Variants in TFRC observed in about 807,000 individuals in gnomAD.
TFRC encodes transferrin receptor protein 1.
A neutral mutation model predicts 85.8 loss-of-function variants in TFRC; 35 were observed. That is an observed-to-expected ratio of 0.41 (90% CI 0.31 to 0.54). The LOEUF is 0.54. TFRC is among the 20% of genes least tolerant of loss of function. The pLI is 0.31. For synonymous variants in TFRC, 362 were observed against 328.6 expected, an observed-to-expected ratio of 1.10 and a Z score of -1.10; for missense variants, 828 against 921.5, an observed-to-expected ratio of 0.90 and a Z score of 1.31.
At chr3:196,054,245 A>G (rs1716585405) in intron 17 of TFRC, among the ~76,000 whole-genome samples, 1 of 152,040 alleles carries the variant, frequency 6.6e-6, no homozygotes, top group African/African-American at 2.4e-5. Flanking sequence ...CTTCTACTAA[A>G]AACACAAAAA....
intron 13 of TFRC, among the ~76,000 whole-genome samples, chr3:196,061,583 G>C (rs996583511): frequency 6.6e-6 from 1 of 152,022 alleles, no homozygotes; most frequent in African/African-American, 2.4e-5. Context: ...TCTGCCTCCC[G>C]GGTTCAAGTG....
At chr3:196,068,217 T>C in intron 7 of TFRC, 87 bp from the exon 8 acceptor site, 1 of 879,308 alleles carries the variant, frequency 1.1e-6, no homozygotes, top group African/African-American at 1.7e-5. Flanking sequence ...AAAGGCCAAA[T>C]GGTTACAGAG....
chr3:196,056,712 T>A (rs1716826080), intron 16 of TFRC, among the ~76,000 whole-genome samples: 1 of 152,200 alleles, frequency 6.6e-6, no homozygotes, highest in African/African-American at 2.4e-5. Flanking sequence ...AGCCTCATTA[T>A]TAAAACTCAT....
At chr3:196,079,268 C>T (rs1276590510) in intron 1 of TFRC, among the ~76,000 whole-genome samples, 1 of 152,188 alleles carries the variant, frequency 6.6e-6, no homozygotes, top group East Asian at 1.9e-4. Flanking sequence ...TAACACTCAT[C>T]TGAACCATCA....
intron 2 of TFRC, 143 bp downstream of exon 2, chr3:196,076,921 G>T: frequency 1.4e-6 from 1 of 730,514 alleles, no homozygotes; most frequent in Non-Finnish European, 2.3e-6. Context: ...TGTGAGATCA[G>T]TTATGCCTCA....
intron 16 of TFRC, among the ~76,000 whole-genome samples, chr3:196,056,981 C>CTAATAG (rs1174281727): frequency 4.6e-5 from 7 of 152,210 alleles, no homozygotes; most frequent in Admixed American, 4.6e-4. Flanking sequence ...GCCACTATGT[C>CTAATAG]CGACTAATTT....
At chr3:196,053,170 T>C (rs930361528) in intron 18 of TFRC, among the ~76,000 whole-genome samples, 4 of 152,204 alleles carry the variant, frequency 2.6e-5, no homozygotes, top group Admixed American at 6.5e-5. Context: ...AGGAAAACTT[T>C]AAATGTGTTC....
At chr3:196,078,868 G>A (rs181695026) in intron 1 of TFRC, among the ~76,000 whole-genome samples, 111 of 150,900 alleles carry the variant, frequency 7.4e-4, no homozygotes, top group African/African-American at 2.3e-3. Flanking sequence ...TCCCCCTCCC[G>A]GGTTCAAGCC....
At position 196,052,016 on chromosome 3, in the gene TFRC, G is replaced by A. The variant is rs1291674789; in HGVS notation, c.2209C>T (p.Leu737=). The A allele has an allele frequency of 2.5e-6, 4 of 1,614,074 alleles. No homozygotes were observed. The highest frequency in any genetic ancestry group is 3.4e-6 in the Non-Finnish European group (4 of 1,180,050). ...NETLFRNQLA[L]ATWTIQGAAN... ...GCTCCCTGAATAGTCCAAGTAGCTAGAGCCAACTGGTTTCTGAACAGCGTT... is the reference window on the plus strand; with the variant it reads ...GCTCCCTGAATAGTCCAAGTAGCTAAAGCCAACTGGTTTCTGAACAGCGTT... Residue 737 remains leucine, a synonymous_variant, in exon 19 of 19, where the codon CTA becomes TTA. Coordinates refer to ENST00000360110, the MANE Select transcript of TFRC (RefSeq NM_001128148.3).
intron 13 of TFRC, chr3:196,060,497 T>C (rs969586244): frequency 5.3e-5 from 23 of 437,274 alleles, no homozygotes; most frequent in Non-Finnish European, 8.3e-5. Flanking sequence ...TCACCTTTTT[T>C]AAAAATATCA....
chr3:196,057,887 T>C (rs1239367103), intron 16 of TFRC: 1 of 151,758 alleles, frequency 6.6e-6, no homozygotes, highest in Non-Finnish European at 1.5e-5. Context: ...TTAACAAAAA[T>C]GCAACCCTGA....
intron 11 of TFRC, 147 bp from the exon 12 acceptor site, chr3:196,063,086 AAACT>A (rs1717421614): frequency 3.3e-6 from 2 of 611,108 alleles, no homozygotes; most frequent in Non-Finnish European, 5.6e-6. Context: ...AAGAAAAAAA[AAACT>A]AACAAAATCT....
At chr3:196,077,204 C>T in intron 1 of TFRC, 82 bp from the exon 2 acceptor site, 2 of 961,106 alleles carry the variant, frequency 2.1e-6, no homozygotes, top group South Asian at 1.6e-5. Context: ...CTAAATGATA[C>T]ATTAAATTTT....
chr3:196,062,300 G>C, intron 13 of TFRC: 1 of 369,392 alleles, frequency 2.7e-6, no homozygotes, highest in Non-Finnish European at 4.9e-6. Context: ...CCCAGGCCGA[G>C]GCAGGCAGAT....
Position 196,049,889 on chromosome 3 carries a change from C to G in TFRC, c.*2053G>C, listed in dbSNP as rs1263734010. ...AAATCTAGGTAAGTGACACTAAGAACCTGAAGAGACCCTATGAACTTTTCC... is the reference window on the plus strand; with the variant it reads ...AAATCTAGGTAAGTGACACTAAGAAGCTGAAGAGACCCTATGAACTTTTCC... On this transcript the variant is annotated 3_prime_UTR_variant, in exon 19 of 19. Coordinates refer to ENST00000360110, the MANE Select transcript of TFRC (RefSeq NM_001128148.3). 1 of 231,504 alleles carries G rather than the reference C, an allele frequency of 4.3e-6. No individual in the cohort carries two copies. The highest frequency in any genetic ancestry group is 2.2e-5 in the African/African-American group (1 of 45,364). 14.3% of individuals were successfully genotyped at this position (231,504 alleles called of 1,614,324 possible).
chr3:196,073,080 C>T (rs1718362622), intron 4 of TFRC, among the ~76,000 whole-genome samples: 1 of 143,224 alleles, frequency 7.0e-6, no homozygotes, highest in Admixed American at 7.0e-5. Flanking sequence ...ATTAGCAGAG[C>T]ATGGTGGTAC....
chr3:196,058,809 C>A, intron 14 of TFRC, 177 bp from the exon 15 acceptor site: 1 of 399,246 alleles, frequency 2.5e-6, no homozygotes, highest in East Asian at 4.2e-5. Context: ...ACTAACTAGG[C>A]TCATGTTGTC....
In TFRC at chr3:196,077,080, G is replaced by A; in HGVS notation, c.20C>T (p.Ser7Leu). 1 of 1,613,712 alleles carries A rather than the reference G, an allele frequency of 6.2e-7. No individual in the cohort carries two copies. The highest frequency in any genetic ancestry group is 8.5e-7 in the Non-Finnish European group (1 of 1,179,794). The change falls in exon 2 of 19, where the codon TCA (serine) becomes TTA (leucine). Residue 7 changes from serine to leucine, a missense_variant. By Grantham distance (145) the Ser-to-Leu change is moderately radical. Transcript: ENST00000360110. ...ATATCTTACCAAGTTAGAGAATGCT[G>A]ATCTAGCTTGATCCATCATTCTGAA... MMDQAR[S>L]AFSNLFGGEP...
chr3:196,070,672 G>A lies in TFRC; in HGVS notation c.687+724C>T, dbSNP rs138811330. On this transcript the variant is annotated intron_variant, in intron 6 of 18. Transcript: ENST00000360110. The stretch of plus-strand genomic sequence containing the variant: ...GGGCTGGGCGAAGCAGCTTCCTCCT[G>A]TAATCCCAGCACTTTGGGAGGCTGA... Among the ~76,000 whole-genome samples, 15 of 151,678 alleles carry A rather than the reference G, an allele frequency of 9.9e-5. No individual in the cohort carries two copies. In the East Asian group the frequency reaches 1.9e-3, roughly 20 times the overall value.
Sources: allele counts gnomAD v4.1 joint callset (sites outside exome capture counted in the v4.1 genomes callset), GRCh38; gene constraint gnomAD v4.1.1; transcripts MANE v1.5; gene names NCBI Gene and HGNC (gene_info 2026-07-23, HGNC 2026-07-21).